Variants in FAM241A observed in about 807,000 individuals in gnomAD.
The protein encoded by FAM241A is uncharacterized protein FAM241A.
A neutral mutation model predicts 12.2 loss-of-function variants in FAM241A; 7 were observed. That is an observed-to-expected ratio of 0.58 (90% CI 0.33 to 1.08). FAM241A has a LOEUF of 1.08. Among genes scored for constraint, FAM241A ranks in the 50% least tolerant of loss-of-function variants. The pLI is 0.04. For missense variants in FAM241A, 161 were observed against 169.7 expected (o/e 0.95, Z 0.29); for synonymous variants, 74 against 68.2 (o/e 1.08, Z -0.42).
At chr4:112,174,427 G>A (rs940996684) in intron 1 of FAM241A, among the ~76,000 whole-genome samples, 5 of 152,226 alleles carry the variant, frequency 3.3e-5, no homozygotes, top group Non-Finnish European at 5.9e-5. Context: ...GCTGAAGCCG[G>A]TGAGTGAAGA....
intron 1 of FAM241A, among the ~76,000 whole-genome samples, chr4:112,150,528 A>G (rs1339954502): frequency 6.6e-6 from 1 of 152,236 alleles, no homozygotes; most frequent in Non-Finnish European, 1.5e-5. Flanking sequence ...AATGCCTAGA[A>G]CTTTCAGAAC....
intron 1 of FAM241A, among the ~76,000 whole-genome samples, chr4:112,174,123 G>C (rs1025326243): frequency 1.3e-5 from 2 of 152,132 alleles, no homozygotes; most frequent in Non-Finnish European, 2.9e-5. Flanking sequence ...ATTCCAGGTA[G>C]GTATAGCTGA....
intron 1 of FAM241A, among the ~76,000 whole-genome samples, chr4:112,181,390 A>G (rs950946239): frequency 4.6e-5 from 7 of 152,214 alleles, no homozygotes; most frequent in Admixed American, 2.6e-4. Context: ...CCAGAAAAAT[A>G]CATGATAATT....
In FAM241A at chr4:112,145,542, C is replaced by T. The variant is rs1723115258; in HGVS notation, c.-39C>T. ...CTGCCTGGTGCGTCGCGGCGTGGTC[C>T]TCCGGCGGCTGTCCGGGGCGGTAGG... On this transcript the variant is annotated 5_prime_UTR_variant, in exon 1 of 2. Coordinates refer to ENST00000309733, the MANE Select transcript of FAM241A (RefSeq NM_152400.3). The T allele has an allele frequency of 8.1e-6, 10 of 1,233,946 alleles. No individual in the cohort carries two copies. The highest frequency in any genetic ancestry group is 6.4e-5 in the East Asian group (2 of 31,444). The allele number at this position is 1,233,946 out of a possible 1,614,324, so 76.4% of individuals were successfully genotyped here. A position where few individuals can be genotyped will look rare whatever the true frequency, so the allele number is the denominator to read the frequency against.
intron 1 of FAM241A, among the ~76,000 whole-genome samples, chr4:112,161,857 A>G (rs1043642177): frequency 2.0e-5 from 3 of 152,180 alleles, no homozygotes; most frequent in Non-Finnish European, 4.4e-5. Context: ...ACACAACAAA[A>G]AAAGAGAATT....
At chr4:112,149,475 T>C (rs1240080674) in intron 1 of FAM241A, among the ~76,000 whole-genome samples, 1 of 152,218 alleles carries the variant, frequency 6.6e-6, no homozygotes, top group Non-Finnish European at 1.5e-5. Flanking sequence ...AAGCTTTCTT[T>C]TATAAATCGT....
At position 112,190,814 on chromosome 4, in the gene FAM241A, C is replaced by T. The variant is rs1389406537; in HGVS notation, c.*3876C>T. The T allele has an allele frequency of 1.3e-5, 2 of 152,028 alleles. No individual in the cohort carries two copies. Among genetic ancestry groups the T allele is most frequent in the Non-Finnish European group, 1.5e-5 (1 of 68,040 alleles). The allele number at this position is 152,028 out of a possible 1,614,324, so 9.4% of individuals were successfully genotyped here. ...GGTGGATTAGAGGTCATTTGCAACT[C>T]TTGTCTCTCTGCCCAACATTTAATT... is the stretch of plus-strand genomic sequence containing the variant. On this transcript the variant is annotated 3_prime_UTR_variant, in exon 2 of 2. Transcript: ENST00000309733.
chr4:112,193,167 G>A lies in FAM241A; in HGVS notation c.*6229G>A, dbSNP rs1426518704. 6.6e-6 allele frequency: 1 copy of A among 151,018 alleles called. No individual in the cohort carries two copies. The highest frequency in any genetic ancestry group is 1.5e-5 in the Non-Finnish European group (1 of 67,552). The allele number at this position is 151,018 out of a possible 1,614,324, so 9.4% of individuals were successfully genotyped here. A position where few individuals can be genotyped will look rare whatever the true frequency, so the allele number is the denominator to read the frequency against. ...CTTCTTTTGAGAAGTGTCTGTTCAT[G>A]TCCTTTGCCCACTTTTTGATGGGGT... On this transcript the variant is annotated 3_prime_UTR_variant, in exon 2 of 2. Coordinates refer to ENST00000309733, the MANE Select transcript of FAM241A (RefSeq NM_152400.3).
At position 112,188,776 on chromosome 4, in the gene FAM241A, C is replaced by A. The variant is rs1047851929; in HGVS notation, c.*1838C>A. ...TACAAAATAACAGCTCTGGTTCCAC[C>A]AGTACCTAATGTTGAAAACATTTTT... On this transcript the variant is annotated 3_prime_UTR_variant, in exon 2 of 2. Transcript: ENST00000309733. 6.6e-6 allele frequency: 1 copy of A among 152,082 alleles called. No individual in the cohort carries two copies. The highest frequency in any genetic ancestry group is 2.1e-4 in the South Asian group (1 of 4,820). 9.4% of individuals were successfully genotyped at this position (152,082 alleles called of 1,614,324 possible).
At position 112,193,597 on chromosome 4, in the gene FAM241A, A is replaced by G. The variant is rs896436604; in HGVS notation, c.*6659A>G. 4 of 152,220 alleles carry G rather than the reference A, an allele frequency of 2.6e-5. No homozygotes were observed. The highest frequency in any genetic ancestry group is 5.9e-5 in the Non-Finnish European group (4 of 68,042). 9.4% of individuals were successfully genotyped at this position (152,220 alleles called of 1,614,324 possible). A position where few individuals can be genotyped will look rare whatever the true frequency, so the allele number is the denominator to read the frequency against. ...CCAGTTTTCCCAGCACCATTTATTCAATAGGGAATCCTTTCCCCATTGCTT... is the reference window on the plus strand; with the variant it reads ...CCAGTTTTCCCAGCACCATTTATTCGATAGGGAATCCTTTCCCCATTGCTT... On this transcript the variant is annotated 3_prime_UTR_variant, in exon 2 of 2. Coordinates refer to ENST00000309733, the MANE Select transcript of FAM241A (RefSeq NM_152400.3).
rs1196335236 is a variant in FAM241A at position 112,145,467 on chromosome 4, C to T, written c.-114C>T. On this transcript the variant is annotated 5_prime_UTR_variant, in exon 1 of 2. Coordinates refer to ENST00000309733, the MANE Select transcript of FAM241A (RefSeq NM_152400.3). ...CCGGCGGGGCGCGCTCCGGCGGCTC[C>T]TGTCAGCGGCGGGTGCGGCGGATCC... The T allele has an allele frequency of 7.4e-6, 8 of 1,074,802 alleles. No homozygotes were observed. Among genetic ancestry groups the T allele is most frequent in the Non-Finnish European group, 9.3e-6 (8 of 859,074 alleles). 66.6% of individuals were successfully genotyped at this position (1,074,802 alleles called of 1,614,324 possible).
At chr4:112,146,915 T>G (rs1723149253) in intron 1 of FAM241A, among the ~76,000 whole-genome samples, 1 of 152,232 alleles carries the variant, frequency 6.6e-6, no homozygotes, top group African/African-American at 2.4e-5. Context: ...CGGATTCCCT[T>G]CCTAGTGGTT....
At position 112,192,497 on chromosome 4, in the gene FAM241A, T is replaced by TC. The variant is rs1277063289; in HGVS notation, c.*5565dup. On this transcript the variant is annotated 3_prime_UTR_variant, in exon 2 of 2. Coordinates refer to ENST00000309733, the MANE Select transcript of FAM241A (RefSeq NM_152400.3). ...ATCTCCTAATGCTATCCCTCTCCCC[T>TC]CCCCCCACCCCACAACAGTCCCCAG... 1 of 106,652 alleles carries TC rather than the reference T, an allele frequency of 9.4e-6. No homozygotes were observed. Among genetic ancestry groups the TC allele is most frequent in the Non-Finnish European group, 1.9e-5 (1 of 53,196 alleles). 6.6% of individuals were successfully genotyped at this position (106,652 alleles called of 1,614,324 possible). A position where few individuals can be genotyped will look rare whatever the true frequency, so the allele number is the denominator to read the frequency against.
rs190855923 is a variant in FAM241A at position 112,162,062 on chromosome 4, A to G, written c.153+16329A>G. On this transcript the variant is annotated intron_variant, in intron 1 of 1. Transcript: ENST00000309733. ...AAACAGAACCAAAGACAAAAACCACATGATTATCTCAAGAGATGCAGAAAA... is the reference window on the plus strand; with the variant it reads ...AAACAGAACCAAAGACAAAAACCACGTGATTATCTCAAGAGATGCAGAAAA... 1.9e-3 allele frequency among the ~76,000 whole-genome samples: 297 copies of G among 152,348 alleles called. 2 individuals are homozygous for G. Among genetic ancestry groups the G allele is most frequent in the African/African-American group, 6.7e-3 (280 of 41,586 alleles).
chr4:112,177,770 G>C (rs962297022), intron 1 of FAM241A, among the ~76,000 whole-genome samples: 1 of 152,120 alleles, frequency 6.6e-6, no homozygotes, highest in Non-Finnish European at 1.5e-5. Flanking sequence ...TTAAAACGCA[G>C]TGGGTTAGGA....
chr4:112,184,123 C>CA (rs1173968743), intron 1 of FAM241A, among the ~76,000 whole-genome samples: 10 of 152,202 alleles, frequency 6.6e-5, no homozygotes, highest in Non-Finnish European at 7.3e-5. Context: ...AAGGTCATGT[C>CA]ACTCAGTTAA....
chr4:112,172,453 A>G (rs1367043240), intron 1 of FAM241A, among the ~76,000 whole-genome samples: 2 of 152,192 alleles, frequency 1.3e-5, no homozygotes, highest in African/African-American at 4.8e-5. Flanking sequence ...CCTTTTATAT[A>G]ATAATACAGA....
chr4:112,161,893 C>T lies in FAM241A; in HGVS notation c.153+16160C>T, dbSNP rs185266409. 5.9e-5 allele frequency among the ~76,000 whole-genome samples: 9 copies of T among 152,116 alleles called. No individual in the cohort carries two copies. In the East Asian group the frequency reaches 7.7e-4, roughly 13 times the overall value. The stretch of plus-strand genomic sequence containing the variant: ...TTAGACCGATACCCATGATGAAAAC[C>T]GATGCAGAAATCTTCAATAAAATAC... On this transcript the variant is annotated intron_variant, in intron 1 of 1. Transcript: ENST00000309733.
At chr4:112,167,101 G>A (rs1723614013) in intron 1 of FAM241A, among the ~76,000 whole-genome samples, 2 of 140,752 alleles carry the variant, frequency 1.4e-5, no homozygotes, top group Non-Finnish European at 3.0e-5. Flanking sequence ...GCGACAGAGC[G>A]AGACTCCGTC....
Sources: gnomAD v4.1 joint callset for allele counts (sites outside exome capture counted in the v4.1 genomes callset) on GRCh38, gnomAD v4.1.1 for gene constraint, MANE v1.5 for transcripts, NCBI Gene and HGNC (gene_info 2026-07-23, HGNC 2026-07-21) for gene names.